The following NCR3LG1 variants were observed in gnomAD, a reference collection of about 807,000 sequenced individuals.
The protein encoded by NCR3LG1 is natural killer cell cytotoxicity receptor 3 ligand 1, also known as natural cytotoxicity triggering receptor 3 ligand 1.
A neutral mutation model predicts 34.8 loss-of-function variants in NCR3LG1; 35 were observed. The ratio of observed to expected loss-of-function variants is 1.01; its 90% CI spans 0.77 to 1.33. The LOEUF is 1.33. Ranked by LOEUF, NCR3LG1 falls within the 40% of genes most tolerant of loss-of-function variation. NCR3LG1 has a pLI of 0.00. For missense variants in NCR3LG1, 452 were observed against 423.3 expected, an observed-to-expected ratio of 1.07 and a Z score of -0.60; for synonymous variants, 173 against 163.6, an observed-to-expected ratio of 1.06 and a Z score of -0.44.
chr11:17,374,227 A>G lies in NCR3LG1; in HGVS notation c.*1715A>G, dbSNP rs1230613188. 1 of 152,174 alleles carries G rather than the reference A, an allele frequency of 6.6e-6. No homozygotes were observed. Among genetic ancestry groups the G allele is most frequent in the East Asian group, 1.9e-4 (1 of 5,198 alleles). The allele number at this position is 152,174 out of a possible 1,614,324, so 9.4% of individuals were successfully genotyped here. ...TAACTCAAATATCCAAGGGAACTAAATGGTTCACAGTTCTGGGCCTAAAGG... is the reference window on the plus strand; with the variant it reads ...TAACTCAAATATCCAAGGGAACTAAGTGGTTCACAGTTCTGGGCCTAAAGG... On this transcript the variant is annotated 3_prime_UTR_variant, in exon 5 of 5. Transcript: ENST00000338965.
At chr11:17,367,489 T>C (rs1953359315) in intron 3 of NCR3LG1, 142 bp downstream of exon 3, 4 of 728,564 alleles carry the variant, frequency 5.5e-6, no homozygotes, top group Non-Finnish European at 8.8e-6. Flanking sequence ...AGCTGGAGTC[T>C]GGCCTAGCTC....
In NCR3LG1 at chr11:17,351,963, C is replaced by A. The variant is rs541223530; in HGVS notation, c.-7C>A. The A allele has an allele frequency of 7.4e-6, 11 of 1,483,378 alleles. No individual in the cohort carries two copies. In the African/African-American group the frequency reaches 1.3e-4, roughly 17 times the overall value. 91.9% of individuals were successfully genotyped at this position (1,483,378 alleles called of 1,614,324 possible). On this transcript the variant is annotated 5_prime_UTR_variant, in exon 1 of 5. Coordinates refer to ENST00000338965, the MANE Select transcript of NCR3LG1 (RefSeq NM_001202439.3). Reference sequence around the variant, plus strand: ...GCGAAAAAAATTACACAACAGCAGCCGCGGCGATGACGTGGAGGGCTGCCG... The same window carrying A: ...GCGAAAAAAATTACACAACAGCAGCAGCGGCGATGACGTGGAGGGCTGCCG...
intron 2 of NCR3LG1, among the ~76,000 whole-genome samples, chr11:17,364,589 C>T (rs900157243): frequency 6.6e-6 from 1 of 152,002 alleles, no homozygotes; most frequent in Non-Finnish European, 1.5e-5. Context: ...TCTTGTTGCC[C>T]AGTCTGGAGT....
chr11:17,362,804 T>TGCTC (rs1953295087), intron 2 of NCR3LG1, among the ~76,000 whole-genome samples: 1 of 125,132 alleles, frequency 8.0e-6, no homozygotes, highest in African/African-American at 4.2e-5. Flanking sequence ...CTCTCTTTCT[T>TGCTC]TCTTTCTTTC....
At chr11:17,377,679 C>T (rs748327012), downstream of NCR3LG1, among the ~76,000 whole-genome samples, 1 of 152,208 alleles carries the variant, frequency 6.6e-6, no homozygotes, top group Non-Finnish European at 1.5e-5. Flanking sequence ...TCACAAGCTA[C>T]AACTTAGAAC....
At position 17,359,754 on chromosome 11, in the gene NCR3LG1, T is replaced by C. The variant is rs184917861; in HGVS notation, c.421+2753T>C. ...CTTGAACTCCTGACCTCAGATGATC[T>C]GCCCACCTCAGCTTCCCAAAGTACT... On this transcript the variant is annotated intron_variant, in intron 2 of 4. Transcript: ENST00000338965. 3.7e-3 allele frequency among the ~76,000 whole-genome samples: 564 copies of C among 152,066 alleles called. 22 individuals carry two copies. The highest frequency in any genetic ancestry group is 0.034 in the Admixed American group (525 of 15,262).
intron 1 of NCR3LG1, among the ~76,000 whole-genome samples, chr11:17,352,496 TC>T (rs1268841191): frequency 2.0e-5 from 3 of 151,992 alleles, no homozygotes; most frequent in Admixed American, 6.6e-5. Context: ...TTTTCAAGCG[TC>T]CCTCCTTTGT....
chr11:17,358,102 G>A (rs1342673480), intron 2 of NCR3LG1, among the ~76,000 whole-genome samples: 4 of 152,040 alleles, frequency 2.6e-5, no homozygotes, highest in East Asian at 3.9e-4. Context: ...TATCACTCAC[G>A]CCCTGCATAC....
rs1162665029 is a variant in NCR3LG1 at position 17,376,502 on chromosome 11, C to T, written c.*3990C>T. 6.6e-6 allele frequency: 1 copy of T among 152,194 alleles called. No individual in the cohort carries two copies. Among genetic ancestry groups the T allele is most frequent in the Non-Finnish European group, 1.5e-5 (1 of 68,038 alleles). The allele number at this position is 152,194 out of a possible 1,614,324, so 9.4% of individuals were successfully genotyped here. ...CTGGGTCTGTCCTGAGCGGTTTGCTCAGTTCAGTAACACTAAGGAACCTCT... is the reference window on the plus strand; with the variant it reads ...CTGGGTCTGTCCTGAGCGGTTTGCTTAGTTCAGTAACACTAAGGAACCTCT... On this transcript the variant is annotated 3_prime_UTR_variant, in exon 5 of 5. Transcript: ENST00000338965.
intron 2 of NCR3LG1, among the ~76,000 whole-genome samples, chr11:17,366,167 T>C (rs1953342346): frequency 1.3e-5 from 2 of 152,210 alleles, no homozygotes; most frequent in African/African-American, 4.8e-5. Context: ...AGGGCAGATA[T>C]GGCAGCTAGC....
intron 2 of NCR3LG1, among the ~76,000 whole-genome samples, chr11:17,363,722 A>C (rs1233573477): frequency 6.6e-6 from 1 of 151,864 alleles, no homozygotes; most frequent in Non-Finnish European, 1.5e-5. Context: ...TCCGCCTTCC[A>C]AGTAGCTGGG....
At chr11:17,366,071 C>A (rs1298815570) in intron 2 of NCR3LG1, among the ~76,000 whole-genome samples, 1 of 152,134 alleles carries the variant, frequency 6.6e-6, no homozygotes, top group Non-Finnish European at 1.5e-5. Context: ...GGAGTGATGA[C>A]CTCTCATGTG....
At chr11:17,354,491 CAT>C (rs1044288493) in intron 1 of NCR3LG1, among the ~76,000 whole-genome samples, 8 of 148,180 alleles carry the variant, frequency 5.4e-5, no homozygotes, top group African/African-American at 9.9e-5. Flanking sequence ...CTTTTAAGCA[CAT>C]GTTAGTGTTT....
chr11:17,368,603 A>G (rs1434059726), intron 3 of NCR3LG1, among the ~76,000 whole-genome samples: 1 of 152,188 alleles, frequency 6.6e-6, no homozygotes, highest in African/African-American at 2.4e-5. Context: ...GTGTCGTATT[A>G]CACAAGGTTT....
rs1419524632 is a variant in NCR3LG1 at position 17,375,747 on chromosome 11, C to T, written c.*3235C>T. The T allele has an allele frequency of 1.3e-5, 2 of 152,146 alleles. No individual in the cohort carries two copies. The highest frequency in any genetic ancestry group is 4.8e-5 in the African/African-American group (2 of 41,426). The allele number at this position is 152,146 out of a possible 1,614,324, so 9.4% of individuals were successfully genotyped here. On this transcript the variant is annotated 3_prime_UTR_variant, in exon 5 of 5. Transcript: ENST00000338965. ...TAGCGAAAGGAAACAGGCTAGCAGA[C>T]CAAAGAGCTAAGTCAGCAGTAAGAA...
chr11:17,352,081 G>T (rs1352022052), intron 1 of NCR3LG1, 42 bp downstream of exon 1: 1 of 1,377,820 alleles, frequency 7.3e-7, no homozygotes, highest in South Asian at 1.3e-5. Context: ...GGCTCCTGGC[G>T]CCAGAGGGTC....
intron 2 of NCR3LG1, among the ~76,000 whole-genome samples, chr11:17,365,888 A>G (rs1953339736): frequency 6.6e-6 from 1 of 152,200 alleles, no homozygotes; most frequent in Non-Finnish European, 1.5e-5. Context: ...CTACTGGTTT[A>G]TGACTCCAGC....
rs1246317342 is a variant in NCR3LG1, at chr11:17,354,556, T to C, written c.71-2095T>C. Among the ~76,000 whole-genome samples, 383 of 145,718 alleles carry C rather than the reference T, an allele frequency of 2.6e-3. 6 individuals carry two copies. Among genetic ancestry groups the C allele is most frequent in the African/African-American group, 8.8e-3 (347 of 39,346 alleles). On this transcript the variant is annotated intron_variant, in intron 1 of 4. Transcript: ENST00000338965. ...CCCCAATTCTTCTTCTTTTTTTTTT[T>C]TTTTTTTTTTTTTTTTTGGTAGTCA...
rs1298298531 is a variant in NCR3LG1 at position 17,367,240 on chromosome 11, C to T, written c.653C>T (p.Ser218Phe). Residue 218 changes from serine (S) to phenylalanine (F), a missense_variant, in exon 3 of 5, where the codon TCT (serine) becomes TTT (phenylalanine). By Grantham distance (155) the Ser-to-Phe change is radical (BLOSUM62 -2). Coordinates refer to ENST00000338965, the MANE Select transcript of NCR3LG1 (RefSeq NM_001202439.3). ...NVTSCLKLNS[S>F]QEDPGTVYQC... ...ACTAGCTGCTTGAAGCTGAACTCCT[C>T]TCAGGAAGACCCTGGGACTGTCTAC... is the stretch of plus-strand genomic sequence containing the variant. The T allele has an allele frequency of 2.6e-6, 4 of 1,536,220 alleles. No individual in the cohort carries two copies. Among genetic ancestry groups the T allele is most frequent in the South Asian group, 2.4e-5 (2 of 84,060 alleles).
Sources: gnomAD v4.1 joint callset for allele counts (sites outside exome capture counted in the v4.1 genomes callset) on GRCh38, gnomAD v4.1.1 for gene constraint, MANE v1.5 for transcripts, NCBI Gene and HGNC (gene_info 2026-07-23, HGNC 2026-07-21) for gene names.